Variants in GSN observed in about 807,000 individuals in gnomAD.
GSN encodes gelsolin, also known as actin-depolymerizing factor.
In GSN, 56 loss-of-function variants were observed where a neutral mutation model predicts 85.7. That is an observed-to-expected ratio of 0.65 (90% CI 0.53 to 0.82). The LOEUF is 0.82. Ranked by LOEUF, GSN falls within the 40% of genes least tolerant of loss-of-function variation. The probability of loss-of-function intolerance (pLI) is 0.00; values close to 1 mark genes in which losing one functional copy is unlikely to be tolerated. For synonymous variants in GSN, 373 were observed against 399.1 expected (o/e 0.93, Z 0.78); for missense variants, 857 against 979.8 (o/e 0.87, Z 1.67).
intron 1 of GSN, among the ~76,000 whole-genome samples, chr9:121,275,573 A>G (rs887019965): frequency 6.6e-6 from 1 of 152,138 alleles, no homozygotes; most frequent in Admixed American, 6.5e-5. Flanking sequence ...CGGAGGTAAA[A>G]CAGGCTTTTG....
At chr9:121,310,225 G>T (rs1295028418) in intron 4 of GSN, 1 of 268,852 alleles carries the variant, frequency 3.7e-6, no homozygotes, top group Non-Finnish European at 7.3e-6. Context: ...AACAGTCAGG[G>T]AGGGTGAGTG....
chr9:121,269,182 T>C (rs1047653908), intron 1 of GSN, among the ~76,000 whole-genome samples: 1 of 152,150 alleles, frequency 6.6e-6, no homozygotes, highest in Non-Finnish European at 1.5e-5. Context: ...TCGCTTTTGT[T>C]TGGCATCTGG....
intron 5 of GSN, among the ~76,000 whole-genome samples, chr9:121,241,558 C>CTT (rs771034448): frequency 6.6e-6 from 1 of 152,206 alleles, no homozygotes; most frequent in East Asian, 1.9e-4. Context: ...ATAATCCTAT[C>CTT]TTTCTGCTTA....
chr9:121,269,567 T>C (rs745531066), intron 1 of GSN, among the ~76,000 whole-genome samples: 4 of 152,050 alleles, frequency 2.6e-5, no homozygotes, highest in Non-Finnish European at 5.9e-5. Flanking sequence ...GGGAGAGGCT[T>C]GGAAACAGAG....
In GSN at chr9:121,329,802, C is replaced by T. The variant is rs1271841697; in HGVS notation, c.1965+487C>T. 6.6e-6 allele frequency among the ~76,000 whole-genome samples: 1 copy of T among 152,192 alleles called. No homozygotes were observed. The highest frequency in any genetic ancestry group is 1.9e-4 in the East Asian group (1 of 5,194). ...ACTTGGCAGGGGAAGATGCCATTCA[C>T]TTACTCAACCAATATTAATTGGGCA... On this transcript the variant is annotated intron_variant, in intron 16 of 17. Transcript: ENST00000432226. The surrounding 1 kb of genome is among the most constrained non-coding windows in gnomAD (Gnocchi z 4.6).
At chr9:121,286,681 C>G in intron 2 of GSN, 1 of 1,535,048 alleles carries the variant, frequency 6.5e-7, no homozygotes, top group Non-Finnish European at 8.7e-7. Context: ...AGAAAGGAGA[C>G]AATTTGTGAT....
chr9:121,294,585 G>T (rs1397540365), intron 2 of GSN, among the ~76,000 whole-genome samples: 3 of 152,232 alleles, frequency 2.0e-5, no homozygotes, highest in Non-Finnish European at 4.4e-5. Context: ...CCCTGAGACA[G>T]TTGGTCTCCT....
intron 2 of GSN, among the ~76,000 whole-genome samples, chr9:121,290,061 C>G (rs2058542605): frequency 6.6e-6 from 1 of 151,790 alleles, no homozygotes; most frequent in Admixed American, 6.6e-5. Context: ...AGGAGATGAG[C>G]TTGGTCTCTG....
chr9:121,327,436 G>A lies in GSN; in HGVS notation c.1716G>A (p.Arg572=). The A allele has an allele frequency of 6.2e-7, 1 of 1,602,878 alleles. No individual in the cohort carries two copies. The highest frequency in any genetic ancestry group is 8.5e-7 in the Non-Finnish European group (1 of 1,174,364). ...AGACGGGGGCCCAGGAGCTGCTCAG[G>A]GTGCTGCGGGCCCAACCTGTGCAGG... ...AEKTGAQELL[R]VLRAQPVQVA... is the part of the protein sequence containing the mutation. The change falls in exon 14 of 18, where the codon AGG becomes AGA. Residue 572 remains arginine, a synonymous_variant. Coordinates refer to ENST00000432226, the MANE Select transcript of GSN (RefSeq NM_198252.3).
intron 6 of GSN, among the ~76,000 whole-genome samples, chr9:121,248,788 G>A (rs1185815474): frequency 7.3e-6 from 1 of 136,060 alleles, no homozygotes; most frequent in Non-Finnish European, 1.7e-5. Context: ...TTATTGGTGG[G>A]GTGGGCAGGG....
intron 2 of GSN, chr9:121,283,906 T>G (rs981269984): frequency 1.8e-5 from 3 of 167,196 alleles, no homozygotes; most frequent in African/African-American, 7.2e-5. Flanking sequence ...TCTGGACAGA[T>G]CAGGGAAGCC....
chr9:121,240,364 A>G (rs994829338), intron 5 of GSN, among the ~76,000 whole-genome samples: 11 of 152,226 alleles, frequency 7.2e-5, no homozygotes, highest in Non-Finnish European at 1.0e-4. Flanking sequence ...GCTGTCTGCA[A>G]TCAGCTCTTG....
At chr9:121,293,041 G>T (rs1253170455) in intron 2 of GSN, among the ~76,000 whole-genome samples, 1 of 152,218 alleles carries the variant, frequency 6.6e-6, no homozygotes, top group Non-Finnish European at 1.5e-5. Flanking sequence ...TGGTATGGGA[G>T]GCTTGGGGAC....
chr9:121,293,565 G>A (rs1387957351), intron 2 of GSN, among the ~76,000 whole-genome samples: 3 of 152,010 alleles, frequency 2.0e-5, no homozygotes, highest in African/African-American at 4.8e-5. Context: ...CCTGGCCAAC[G>A]TGGTAAAACC....
At chr9:121,323,232 G>A (rs868544491) in intron 11 of GSN, among the ~76,000 whole-genome samples, 1 of 152,020 alleles carries the variant, frequency 6.6e-6, no homozygotes, top group South Asian at 2.1e-4. Context: ...TTACCCAATG[G>A]AATATTCACC....
upstream of GSN, among the ~76,000 whole-genome samples, chr9:121,264,983 GGA>G (rs1159475878): frequency 2.6e-5 from 4 of 152,200 alleles, no homozygotes; most frequent in Non-Finnish European, 4.4e-5. Flanking sequence ...GAAAGATGGG[GGA>G]GAGAGTACTT....
chr9:121,253,935 A>G (rs1235593700), intron 6 of GSN, among the ~76,000 whole-genome samples: 1 of 151,754 alleles, frequency 6.6e-6, no homozygotes, highest in Non-Finnish European at 1.5e-5. Flanking sequence ...CCCTCCCTTC[A>G]CTTTCTTCTT....
intron 5 of GSN, among the ~76,000 whole-genome samples, chr9:121,236,737 A>G (rs2054501583): frequency 6.6e-6 from 1 of 152,226 alleles, no homozygotes; most frequent in Non-Finnish European, 1.5e-5. Flanking sequence ...CAGGGCTTGC[A>G]TCAGGAAGGA....
chr9:121,310,944 G>A, intron 5 of GSN, 99 bp downstream of exon 5: 1 of 1,085,116 alleles, frequency 9.2e-7, no homozygotes, highest in South Asian at 1.3e-5. Context: ...AGATGCAGGT[G>A]GGCAAACCAC....
Sources: gnomAD v4.1 joint callset for allele counts (sites outside exome capture counted in the v4.1 genomes callset) on GRCh38, gnomAD v4.1.1 for gene constraint, Gnocchi (gnomAD v3.1) non-coding constraint, MANE v1.5 for transcripts, NCBI Gene and HGNC (gene_info 2026-07-23, HGNC 2026-07-21) for gene names.